Variants in CMKLR1 observed in about 807,000 individuals in gnomAD.
CMKLR1 encodes chemerin-like receptor 1.
A neutral mutation model predicts 8.2 loss-of-function variants in CMKLR1; 6 were observed. The observed-to-expected ratio is 0.73, with a 90% CI of 0.40 to 1.44. The LOEUF is 1.44. Ranked by LOEUF, CMKLR1 falls within the 40% of genes most tolerant of loss-of-function variation. The pLI is 0.02. For synonymous variants in CMKLR1, 178 were observed against 181.2 expected (o/e 0.98, Z 0.14); for missense variants, 429 against 478.0 (o/e 0.90, Z 0.96).
At chr12:108,300,753 T>C (rs1331356472) in intron 2 of CMKLR1, among the ~76,000 whole-genome samples, 1 of 152,152 alleles carries the variant, frequency 6.6e-6, no homozygotes, top group Non-Finnish European at 1.5e-5. Flanking sequence ...CTAGGGCTGT[T>C]GTGAGAATTG....
At chr12:108,325,857 G>A (rs1317904007) in intron 2 of CMKLR1, among the ~76,000 whole-genome samples, 1 of 151,858 alleles carries the variant, frequency 6.6e-6, no homozygotes, top group African/African-American at 2.4e-5. Context: ...AAGGAGGGGA[G>A]GAAAATGAGT....
intron 1 of CMKLR1, among the ~76,000 whole-genome samples, chr12:108,335,135 G>C (rs1290988997): frequency 6.6e-6 from 1 of 152,128 alleles, no homozygotes; most frequent in African/African-American, 2.4e-5. Flanking sequence ...CAACCCAAGA[G>C]GTCACCACAT....
At chr12:108,312,110 T>C (rs1485679190) in intron 2 of CMKLR1, among the ~76,000 whole-genome samples, 1 of 152,150 alleles carries the variant, frequency 6.6e-6, no homozygotes, top group African/African-American at 2.4e-5. Context: ...TGACACCCCC[T>C]CATCTCCTTG....
intron 2 of CMKLR1, among the ~76,000 whole-genome samples, chr12:108,328,562 G>A (rs1443996640): frequency 6.6e-6 from 1 of 152,232 alleles, no homozygotes; most frequent in Non-Finnish European, 1.5e-5. Context: ...AGAAAGCGGA[G>A]CAGCTGCCTC....
In CMKLR1 at chr12:108,314,045, G is replaced by A. The variant is rs373264747; in HGVS notation, c.-74+15950C>T. Among the ~76,000 whole-genome samples, 8 of 152,262 alleles carry A rather than the reference G, an allele frequency of 5.3e-5. No individual in the cohort carries two copies. The East Asian group carries it at 1.2e-3, about 22-fold the overall frequency. ...TGAGCTGCTCTCCTGGGTTGGGGAG[G>A]GGTGCCACAATATGGTTTTGCTTGC... is the stretch of plus-strand genomic sequence containing the variant. On this transcript the variant is annotated intron_variant, in intron 2 of 3. Transcript: ENST00000550402.
intron 2 of CMKLR1, among the ~76,000 whole-genome samples, chr12:108,327,078 A>G (rs1593178097): frequency 1.3e-5 from 2 of 152,268 alleles, no homozygotes; most frequent in African/African-American, 4.8e-5. Flanking sequence ...CTCAGGTCTA[A>G]CTCCAAACAT....
At chr12:108,330,676 G>C (rs773983965) in intron 1 of CMKLR1, among the ~76,000 whole-genome samples, 1 of 152,216 alleles carries the variant, frequency 6.6e-6, no homozygotes, top group Non-Finnish European at 1.5e-5. Flanking sequence ...GATCCAGTGG[G>C]GACCCTGGAA....
At chr12:108,294,648 C>G (rs1891082585) in intron 2 of CMKLR1, among the ~76,000 whole-genome samples, 1 of 152,146 alleles carries the variant, frequency 6.6e-6, no homozygotes, top group Admixed American at 6.5e-5. Flanking sequence ...ATAGTAAGCC[C>G]TCAATAAATA....
chr12:108,337,632 T>A (rs772857472), intron 1 of CMKLR1, among the ~76,000 whole-genome samples: 5 of 152,066 alleles, frequency 3.3e-5, no homozygotes, highest in Non-Finnish European at 7.4e-5. Flanking sequence ...AGGGGACTTC[T>A]CAGAACAAGT....
intron 2 of CMKLR1, among the ~76,000 whole-genome samples, chr12:108,303,003 CAA>C (rs1398274726): frequency 6.6e-6 from 1 of 152,176 alleles, no homozygotes; most frequent in Non-Finnish European, 1.5e-5. Flanking sequence ...AACAAACAAA[CAA>C]ACACTCCGAT....
chr12:108,322,130 G>T (rs1264805904), intron 2 of CMKLR1, among the ~76,000 whole-genome samples: 2 of 152,230 alleles, frequency 1.3e-5, no homozygotes, highest in Non-Finnish European at 2.9e-5. Context: ...GGCACTTTTG[G>T]CTCTTTCTAA....
chr12:108,310,949 G>A (rs1023974231), intron 2 of CMKLR1, among the ~76,000 whole-genome samples: 4 of 150,822 alleles, frequency 2.7e-5, no homozygotes, highest in South Asian at 2.2e-4. Context: ...TTCGAAGACC[G>A]CCCCCCCACC....
rs1372218941 is a variant in CMKLR1, at chr12:108,329,994, CAT to C, written c.-75_-74del. On this transcript the variant is annotated splice_region_variant and 5_prime_UTR_variant, in exon 2 of 4. Coordinates refer to ENST00000550402, the MANE Select transcript of CMKLR1 (RefSeq NM_001142343.2). Reference sequence around the variant, plus strand: ...ACATCCCACCCTGCCCCAATACTCACATGTCACGCCTCCCATCAAGAAGTGGA... The same window carrying C: ...ACATCCCACCCTGCCCCAATACTCACGTCACGCCTCCCATCAAGAAGTGGA... 1 of 152,208 alleles carries C rather than the reference CAT, an allele frequency of 6.6e-6. No individual in the cohort carries two copies. The highest frequency in any genetic ancestry group is 6.5e-5 in the Admixed American group (1 of 15,282). The allele number at this position is 152,208 out of a possible 1,614,324, so 9.4% of individuals were successfully genotyped here. A position where few individuals can be genotyped will look rare whatever the true frequency, so the allele number is the denominator to read the frequency against.
intron 1 of CMKLR1, among the ~76,000 whole-genome samples, chr12:108,334,850 G>GTATTC (rs1462496203): frequency 5.3e-5 from 8 of 152,186 alleles, no homozygotes; most frequent in African/African-American, 1.9e-4. Flanking sequence ...CTTGTAGGGA[G>GTATTC]ATTCAAGTAG....
intron 2 of CMKLR1, among the ~76,000 whole-genome samples, chr12:108,294,819 A>T (rs1891088395): frequency 6.6e-6 from 1 of 152,212 alleles, no homozygotes; most frequent in Admixed American, 6.5e-5. Context: ...CAAGGCTGCT[A>T]ATCAATGCTT....
intron 2 of CMKLR1, among the ~76,000 whole-genome samples, chr12:108,302,027 A>G (rs2137304485): frequency 6.6e-6 from 1 of 152,314 alleles, no homozygotes; most frequent in South Asian, 2.1e-4. Context: ...AAGGATTGCT[A>G]TCTAGCGTAC....
At chr12:108,330,698 A>C (rs1892084449) in intron 1 of CMKLR1, among the ~76,000 whole-genome samples, 1 of 152,226 alleles carries the variant, frequency 6.6e-6, no homozygotes. Flanking sequence ...GATTACATGA[A>C]CCAATGAGGT....
intron 2 of CMKLR1, among the ~76,000 whole-genome samples, chr12:108,300,301 A>G (rs1473878651): frequency 6.6e-6 from 1 of 152,184 alleles, no homozygotes; most frequent in East Asian, 1.9e-4. Context: ...TAGAAATCAC[A>G]TTGGGGTCAC....
chr12:108,312,409 C>T (rs1165090375), intron 2 of CMKLR1, among the ~76,000 whole-genome samples: 1 of 152,214 alleles, frequency 6.6e-6, no homozygotes, highest in African/African-American at 2.4e-5. Flanking sequence ...AGCACGGCTT[C>T]TCCATGGGGA....
Sources: allele counts gnomAD v4.1 joint callset (sites outside exome capture counted in the v4.1 genomes callset), GRCh38; gene constraint gnomAD v4.1.1; transcripts MANE v1.5; gene names NCBI Gene and HGNC (gene_info 2026-07-23, HGNC 2026-07-21).